HNF4G: variants seen among roughly 807,000 people sequenced by gnomAD.
The protein encoded by HNF4G is hepatocyte nuclear factor 4 gamma, also known as hepatocyte nuclear factor 4-gamma.
In HNF4G, 21 loss-of-function variants were observed where a neutral mutation model predicts 50.9. That is an observed-to-expected ratio of 0.41 (90% CI 0.29 to 0.59). The LOEUF is 0.59. Among genes scored for constraint, HNF4G ranks in the 20% least tolerant of loss-of-function variants. The probability of loss-of-function intolerance (pLI) is 0.26; values close to 1 mark genes in which losing one functional copy is unlikely to be tolerated. For synonymous variants in HNF4G, 198 were observed against 185.6 expected (o/e 1.07, Z -0.54); for missense variants, 527 against 559.4 (o/e 0.94, Z 0.58).
At chr8:75,447,586 GA>G (rs1041431540) in intron 1 of HNF4G, among the ~76,000 whole-genome samples, 1 of 150,570 alleles carries the variant, frequency 6.6e-6, no homozygotes, top group African/African-American at 2.4e-5. Context: ...AAATTTACAA[GA>G]AAAAAACAAA....
chr8:75,551,491 C>G lies in HNF4G; in HGVS notation c.486C>G (p.Arg162=). 3 of 1,585,032 alleles carry G rather than the reference C, an allele frequency of 1.9e-6. No individual in the cohort carries two copies. Among genetic ancestry groups the G allele is most frequent in the Non-Finnish European group, 2.6e-6 (3 of 1,153,902 alleles). The change falls in exon 4 of 10, where the codon CGC becomes CGG. Residue 162 remains arginine (R), a synonymous_variant. Transcript: ENST00000396423. ...TGGCACAAGCTGAAGTTCGGTCTCG[C>G]CAGGTACCTGTGGCACGGCAGCATC... ...NTLAQAEVRS[R]QISVSSPGSS...
chr8:75,411,542 A>C (rs1275080657), intron 1 of HNF4G, among the ~76,000 whole-genome samples: 2 of 152,198 alleles, frequency 1.3e-5, no homozygotes, highest in African/African-American at 4.8e-5. Context: ...TGCTCTTTAC[A>C]TGATAGAATT....
intron 1 of HNF4G, among the ~76,000 whole-genome samples, chr8:75,448,353 G>A (rs1365518275): frequency 5.5e-5 from 8 of 145,332 alleles, no homozygotes; most frequent in South Asian, 2.2e-4. Context: ...TTGGTGCAGC[G>A]CACCAGCATG....
intron 9 of HNF4G, among the ~76,000 whole-genome samples, chr8:75,563,010 T>G (rs1245874258): frequency 6.6e-6 from 1 of 152,142 alleles, no homozygotes; most frequent in Admixed American, 6.6e-5. Context: ...TACTTAACAA[T>G]AATATAAAGC....
intron 1 of HNF4G, among the ~76,000 whole-genome samples, chr8:75,419,102 C>G (rs1396671097): frequency 2.6e-5 from 4 of 152,120 alleles, no homozygotes; most frequent in Admixed American, 2.6e-4. Context: ...CCCATCATGG[C>G]CTTTGAGTCA....
chr8:75,506,431 C>G (rs1033837724), intron 2 of HNF4G, among the ~76,000 whole-genome samples: 3 of 151,958 alleles, frequency 2.0e-5, no homozygotes, highest in African/African-American at 7.2e-5. Context: ...CTCATTTTAT[C>G]CTTTTGAATA....
intron 6 of HNF4G, among the ~76,000 whole-genome samples, chr8:75,556,946 G>T (rs1807146587): frequency 6.6e-6 from 1 of 152,026 alleles, no homozygotes; most frequent in African/African-American, 2.4e-5. Context: ...ACTATTTTCA[G>T]CCCATTTTGC....
chr8:75,564,292 A>G lies in HNF4G; in HGVS notation c.*196A>G. ...TATGTAAAACTTTCACATGCAACCA[A>G]TGTATATCTGAGTTTGAAGATGTTT... On this transcript the variant is annotated 3_prime_UTR_variant, in exon 10 of 10. Coordinates refer to ENST00000396423, the MANE Select transcript of HNF4G (RefSeq NM_004133.5). The G allele has an allele frequency of 1.9e-6, 1 of 534,694 alleles. No individual in the cohort carries two copies. The highest frequency in any genetic ancestry group is 3.3e-6 in the Non-Finnish European group (1 of 305,820). The allele number at this position is 534,694 out of a possible 1,614,324, so 33.1% of individuals were successfully genotyped here.
intron 2 of HNF4G, among the ~76,000 whole-genome samples, chr8:75,534,140 A>G (rs1449493768): frequency 2.0e-5 from 3 of 151,926 alleles, no homozygotes; most frequent in Non-Finnish European, 2.9e-5. Flanking sequence ...TCAAAATGCC[A>G]CCACAATCTT....
intron 9 of HNF4G, among the ~76,000 whole-genome samples, chr8:75,560,677 C>A (rs1462445291): frequency 6.6e-6 from 1 of 152,096 alleles, no homozygotes; most frequent in Non-Finnish European, 1.5e-5. Flanking sequence ...AAAGAAAAAT[C>A]TTTCTACTTC....
chr8:75,411,677 G>T (rs908558516), intron 1 of HNF4G, among the ~76,000 whole-genome samples: 1 of 152,072 alleles, frequency 6.6e-6, no homozygotes, highest in African/African-American at 2.4e-5. Context: ...GAACATGAAG[G>T]TCTTTAAGGA....
intron 2 of HNF4G, among the ~76,000 whole-genome samples, chr8:75,520,902 C>T (rs1806023111): frequency 6.6e-6 from 1 of 151,834 alleles, no homozygotes; most frequent in African/African-American, 2.4e-5. Context: ...TAAAATTAAT[C>T]TTTTTAATAA....
intron 1 of HNF4G, among the ~76,000 whole-genome samples, chr8:75,451,785 C>A (rs117270742): frequency 6.6e-6 from 1 of 152,148 alleles, no homozygotes; most frequent in East Asian, 1.9e-4. Flanking sequence ...GTGATGCCTC[C>A]AGCTTTGTTG....
At chr8:75,494,876 C>T (rs1001043037) in intron 2 of HNF4G, among the ~76,000 whole-genome samples, 1 of 151,878 alleles carries the variant, frequency 6.6e-6, no homozygotes, top group Non-Finnish European at 1.5e-5. Flanking sequence ...GTAACAAAAA[C>T]AGTGTTTATT....
intron 1 of HNF4G, among the ~76,000 whole-genome samples, chr8:75,431,251 G>C (rs1244887441): frequency 1.3e-5 from 2 of 152,056 alleles, no homozygotes; most frequent in Admixed American, 6.6e-5. Context: ...CATCTAATTG[G>C]AGAGCCAGAA....
At chr8:75,497,072 T>A (rs1812789232) in intron 2 of HNF4G, among the ~76,000 whole-genome samples, 1 of 151,874 alleles carries the variant, frequency 6.6e-6, no homozygotes, top group Non-Finnish European at 1.5e-5. Flanking sequence ...CTAGCTTTGA[T>A]GGGGGTATAT....
chr8:75,555,949 A>G, intron 5 of HNF4G, 33 bp from the exon 6 acceptor site: 1 of 1,153,318 alleles, frequency 8.7e-7, no homozygotes, highest in Non-Finnish European at 1.2e-6. Context: ...TATATATTAT[A>G]ATTAATTGTT....
chr8:75,453,353 GCACCAATCAGTGCTCTGTAAAAACA>G (rs1231478132), intron 1 of HNF4G, among the ~76,000 whole-genome samples: 5 of 152,212 alleles, frequency 3.3e-5, no homozygotes, highest in East Asian at 1.9e-4. Flanking sequence ...TTTGTAAAAT[GCACCAATCAGTGCTCTGTAAAAACA>G]CACCAATCAG....
At chr8:75,525,256 G>A (rs1465587609) in intron 2 of HNF4G, among the ~76,000 whole-genome samples, 2 of 151,980 alleles carry the variant, frequency 1.3e-5, no homozygotes, top group African/African-American at 2.4e-5. Flanking sequence ...TGCAACCTCC[G>A]CTTCCCGATT....
Sources: gnomAD v4.1 joint callset for allele counts (sites outside exome capture counted in the v4.1 genomes callset) on GRCh38, gnomAD v4.1.1 for gene constraint, MANE v1.5 for transcripts, NCBI Gene and HGNC (gene_info 2026-07-23, HGNC 2026-07-21) for gene names.